MRPL2: variants seen among roughly 807,000 people sequenced by gnomAD.
MRPL2 encodes large ribosomal subunit protein uL2m.
MRPL2 carries 27 observed loss-of-function variants against 34.6 expected under a neutral mutation model. The ratio of observed to expected loss-of-function variants is 0.78; its 90% CI spans 0.58 to 1.08. MRPL2 has a LOEUF of 1.08. MRPL2 is among the 50% of genes least tolerant of loss of function. The probability of loss-of-function intolerance (pLI) is 0.00; values close to 1 mark genes in which losing one functional copy is unlikely to be tolerated. For missense variants in MRPL2, 414 were observed against 419.3 expected (o/e 0.99, Z 0.11); for synonymous variants, 155 against 158.0 (o/e 0.98, Z 0.14).
intron 2 of MRPL2, among the ~76,000 whole-genome samples, chr6:43,056,800 G>C (rs1417553319): frequency 2.6e-5 from 4 of 151,736 alleles, no homozygotes; most frequent in Non-Finnish European, 5.9e-5. Flanking sequence ...TCAGTCTCCC[G>C]AGTAGCTGGG....
intron 1 of MRPL2, 151 bp from the exon 2 acceptor site, chr6:43,058,384 C>CA: frequency 1.4e-6 from 1 of 712,458 alleles, no homozygotes. Flanking sequence ...CCACCCTTCA[C>CA]AGCTTGCACA....
chr6:43,057,708 A>C (rs1764922145), intron 2 of MRPL2: 1 of 294,500 alleles, frequency 3.4e-6, no homozygotes, highest in African/African-American at 2.2e-5. Flanking sequence ...TAAACTTGTG[A>C]CGTCAGGTGA....
rs868082879 is a variant in MRPL2 at position 43,054,180 on chromosome 6, A to C, written c.*94T>G. On this transcript the variant is annotated 3_prime_UTR_variant, in exon 7 of 7. Coordinates refer to ENST00000388752, the MANE Select transcript of MRPL2 (RefSeq NM_015950.5). ...TACCATCCCCTCCCCCGCAAAAAAA[A>C]AACAACAACAAAAAAAACAAAAAAC... 1.7e-4 allele frequency: 173 copies of C among 1,028,674 alleles called. 1 individual carries two copies. The Middle Eastern group carries it at 2.2e-3, about 13-fold the overall frequency. 63.7% of individuals were successfully genotyped at this position (1,028,674 alleles called of 1,614,324 possible). A position where few individuals can be genotyped will look rare whatever the true frequency, so the allele number is the denominator to read the frequency against.
chr6:43,056,073 T>A lies in MRPL2; in HGVS notation c.520+8A>T. ...CTCCAGCCCACACATCTGGTAGCCA[T>A]CTCTCACCTGCCATTCGGCCTATGT... is the stretch of plus-strand genomic sequence containing the variant. On this transcript the variant is annotated splice_region_variant and intron_variant, in intron 4 of 6. Transcript: ENST00000388752. The A allele has an allele frequency of 6.2e-7, 1 of 1,614,196 alleles. No individual in the cohort carries two copies. Among genetic ancestry groups the A allele is most frequent in the South Asian group, 1.1e-5 (1 of 91,086 alleles).
chr6:43,057,897 A>G, intron 2 of MRPL2, 168 bp downstream of exon 2: 1 of 684,598 alleles, frequency 1.5e-6, no homozygotes, highest in East Asian at 2.7e-5. Context: ...ATTGCTTTGT[A>G]TTCTACTCTC....
intron 2 of MRPL2, among the ~76,000 whole-genome samples, chr6:43,057,223 T>C (rs1764901564): frequency 6.6e-6 from 1 of 151,832 alleles, no homozygotes; most frequent in Non-Finnish European, 1.5e-5. Context: ...CTCTGTCACC[T>C]GGGCTGGAAT....
intron 2 of MRPL2, 81 bp downstream of exon 2, chr6:43,057,984 A>T: frequency 6.7e-7 from 1 of 1,483,994 alleles, no homozygotes; most frequent in Non-Finnish European, 9.3e-7. Flanking sequence ...CTTACAAGGT[A>T]CAAGTGTGTC....
rs1447332232 is a variant in MRPL2 at position 43,054,190 on chromosome 6, A to C, written c.*84T>G. 11 of 1,087,870 alleles carry C rather than the reference A, an allele frequency of 1.0e-5. No homozygotes were observed. The highest frequency in any genetic ancestry group is 1.5e-5 in the South Asian group (1 of 64,828). The allele number at this position is 1,087,870 out of a possible 1,614,324, so 67.4% of individuals were successfully genotyped here. On this transcript the variant is annotated 3_prime_UTR_variant, in exon 7 of 7. Transcript: ENST00000388752. ...TCCCCCGCAAAAAAAAAACAACAACAAAAAAAACAAAAAACACCCAAAACA... is the reference window on the plus strand; with the variant it reads ...TCCCCCGCAAAAAAAAAACAACAACCAAAAAAACAAAAAACACCCAAAACA...
intron 1 of MRPL2, 100 bp from the exon 2 acceptor site, chr6:43,058,333 A>G: frequency 8.6e-7 from 1 of 1,165,678 alleles, no homozygotes; most frequent in Non-Finnish European, 1.2e-6. Flanking sequence ...CTTGTAGCCC[A>G]CTTCCTCCTG....
chr6:43,054,196 A>C lies in MRPL2; in HGVS notation c.*78T>G, dbSNP rs998736313. 4.3e-5 allele frequency: 49 copies of C among 1,152,598 alleles called. 2 individuals are homozygous for C. The South Asian group carries it at 4.9e-4, about 12-fold the overall frequency. 71.4% of individuals were successfully genotyped at this position (1,152,598 alleles called of 1,614,324 possible). A position where few individuals can be genotyped will look rare whatever the true frequency, so the allele number is the denominator to read the frequency against. ...GCAAAAAAAAAACAACAACAAAAAA[A>C]ACAAAAAACACCCAAAACAAAACCA... On this transcript the variant is annotated 3_prime_UTR_variant, in exon 7 of 7. Coordinates refer to ENST00000388752, the MANE Select transcript of MRPL2 (RefSeq NM_015950.5).
At position 43,054,532 on chromosome 6, in the gene MRPL2, A is replaced by G. The variant is rs765315233; in HGVS notation, c.706-46T>C. The stretch of plus-strand genomic sequence containing the variant: ...AGATTCTGTACAATGGGGGGGAAAG[A>G]GCTTGACAATGTTGAGAGCACACCC... On this transcript the variant is annotated intron_variant, in intron 6 of 6. Coordinates refer to ENST00000388752, the MANE Select transcript of MRPL2 (RefSeq NM_015950.5). 15 of 1,561,288 alleles carry G rather than the reference A, an allele frequency of 9.6e-6. No individual in the cohort carries two copies. In the Admixed American group the frequency reaches 1.2e-4, roughly 12 times the overall value.
At chr6:43,057,048 T>TA (rs757345105) in intron 2 of MRPL2, among the ~76,000 whole-genome samples, 2 of 151,628 alleles carry the variant, frequency 1.3e-5, no homozygotes, top group East Asian at 3.9e-4. Flanking sequence ...TTTCAACTGT[T>TA]ATAAATTTTT....
chr6:43,055,397 G>A, intron 6 of MRPL2, 148 bp downstream of exon 6: 1 of 727,162 alleles, frequency 1.4e-6, no homozygotes, highest in Non-Finnish European at 2.3e-6. Flanking sequence ...ATCCGACAAA[G>A]CACACCTGAG....
In MRPL2 at chr6:43,055,612, C is replaced by T. The variant is rs376396949; in HGVS notation, c.638G>A (p.Cys213Tyr). 1 of 1,614,110 alleles carries T rather than the reference C, an allele frequency of 6.2e-7. No individual in the cohort carries two copies. Among genetic ancestry groups the T allele is most frequent in the South Asian group, 1.1e-5 (1 of 91,080 alleles). ...GAQYIRAAGT[C>Y]GVLLRKVNGT... ...ATTCACCTTCCGCAGTAGCACACCACACGTCCCTGGGGAAAGAAGCTGATT... is the reference window on the plus strand; with the variant it reads ...ATTCACCTTCCGCAGTAGCACACCATACGTCCCTGGGGAAAGAAGCTGATT... The change falls in exon 6 of 7, where the codon TGT becomes TAT. Residue 213 changes from cysteine to tyrosine, a missense_variant. Coordinates refer to ENST00000388752, the MANE Select transcript of MRPL2 (RefSeq NM_015950.5).
chr6:43,055,521 C>G (rs780789011), intron 6 of MRPL2, 24 bp downstream of exon 6: 2 of 1,607,716 alleles, frequency 1.2e-6, no homozygotes, highest in East Asian at 4.5e-5. Context: ...TTTGCTGACC[C>G]CTCCCATCCA....
intron 2 of MRPL2, 122 bp from the exon 3 acceptor site, chr6:43,056,567 T>C (rs1364447548): frequency 1.6e-6 from 2 of 1,247,696 alleles, no homozygotes; most frequent in African/African-American, 3.0e-5. Flanking sequence ...GCAGAAATGA[T>C]AAAAATTTGC....
chr6:43,056,585 A>G (rs981823421), intron 2 of MRPL2, 140 bp from the exon 3 acceptor site: 3 of 930,296 alleles, frequency 3.2e-6, no homozygotes, highest in African/African-American at 3.3e-5. Context: ...TGCACAGCAC[A>G]CTGGAGTAAG....
intron 2 of MRPL2, 26 bp from the exon 3 acceptor site, chr6:43,056,471 A>G: frequency 6.2e-7 from 1 of 1,613,996 alleles, no homozygotes; most frequent in Non-Finnish European, 8.5e-7. Context: ...GTTGGGGGAT[A>G]TGATTCAGGT....
In MRPL2 at chr6:43,054,241, G is replaced by T; in HGVS notation, c.*33C>A. ...AAACCACAGTAACAGATTAAAACGG[G>T]GGGGGGGGGCATTTTATTAGAGTAC... On this transcript the variant is annotated 3_prime_UTR_variant, in exon 7 of 7. Coordinates refer to ENST00000388752, the MANE Select transcript of MRPL2 (RefSeq NM_015950.5). 6 of 1,347,154 alleles carry T rather than the reference G, an allele frequency of 4.5e-6. No homozygotes were observed. The South Asian group carries it at 8.2e-5, about 18-fold the overall frequency. 83.5% of individuals were successfully genotyped at this position (1,347,154 alleles called of 1,614,324 possible).
Sources: allele counts gnomAD v4.1 joint callset (sites outside exome capture counted in the v4.1 genomes callset), GRCh38; gene constraint gnomAD v4.1.1; transcripts MANE v1.5; gene names NCBI Gene and HGNC (gene_info 2026-07-23, HGNC 2026-07-21).